WNK3: variants seen among roughly 807,000 people sequenced by gnomAD.
WNK3 encodes serine/threonine-protein kinase WNK3.
WNK3 carries 18 observed loss-of-function variants against 116.7 expected under a neutral mutation model. The ratio of observed to expected loss-of-function variants is 0.15; its 90% CI spans 0.11 to 0.23. The LOEUF is 0.23. WNK3 is among the 10% of genes least tolerant of loss of function. The probability of loss-of-function intolerance (pLI) is 1.00; values close to 1 mark genes in which losing one functional copy is unlikely to be tolerated. For missense variants in WNK3, 993 were observed against 1,323.8 expected, an observed-to-expected ratio of 0.75 and a Z score of 3.88; for synonymous variants, 404 against 469.4, an observed-to-expected ratio of 0.86 and a Z score of 1.80.
intron 10 of WNK3, among the ~76,000 whole-genome samples, chrX:54,272,384 G>T (rs2068393182): frequency 9.1e-6 from 1 of 109,879 alleles, no homozygotes; most frequent in African/African-American, 3.3e-5. Flanking sequence ...GGAGTTCGAG[G>T]CTGCAATAAG....
At chrX:54,266,890 C>T (rs1249153184) in intron 10 of WNK3, among the ~76,000 whole-genome samples, 6 of 110,259 alleles carry the variant, frequency 5.4e-5, no homozygotes, top group Non-Finnish European at 9.5e-5. Flanking sequence ...TCTCCCTCCC[C>T]TTTCCCCACA....
At chrX:54,231,534 C>A (rs2146844178) in intron 21 of WNK3, among the ~76,000 whole-genome samples, 1 of 111,757 alleles carries the variant, frequency 8.9e-6, no homozygotes, top group African/African-American at 3.3e-5. Flanking sequence ...TGGCACTCTT[C>A]CTCCATCTTC....
chrX:54,266,647 C>T (rs2068314141), intron 10 of WNK3, among the ~76,000 whole-genome samples: 1 of 110,700 alleles, frequency 9.0e-6, no homozygotes, highest in African/African-American at 3.3e-5. Context: ...AAGCAATACT[C>T]CCACTTCAGC....
chrX:54,252,979 C>G (rs2068151624), intron 13 of WNK3, among the ~76,000 whole-genome samples: 1 of 109,427 alleles, frequency 9.1e-6, no homozygotes, highest in East Asian at 2.9e-4. Flanking sequence ...GGAAGAAATA[C>G]TAACTTAAAC....
Position 54,333,803 on chromosome X carries a change from G to A in WNK3, c.-119-11C>T. 5 of 450,719 alleles carry A rather than the reference G, an allele frequency of 1.1e-5. No homozygotes were observed. Among genetic ancestry groups the A allele is most frequent in the Non-Finnish European group, 1.5e-5 (4 of 273,240 alleles). 37.1% of individuals were successfully genotyped at this position (450,719 alleles called of 1,213,427 possible). ...TATTTCCATAGCAACCTGAAGGGGG[G>A]GAAAAAGATATTTTAAAATCACCCT... On this transcript the variant is annotated splice_polypyrimidine_tract_variant and intron_variant, in intron 1 of 23. Transcript: ENST00000354646.
chrX:54,266,562 A>C (rs2068313005), intron 10 of WNK3, among the ~76,000 whole-genome samples: 1 of 110,400 alleles, frequency 9.1e-6, no homozygotes, highest in Non-Finnish European at 1.9e-5. Flanking sequence ...TTTTGAGACA[A>C]GGTCTTGCTC....
At chrX:54,239,755 C>T (rs2068003073) in intron 17 of WNK3, among the ~76,000 whole-genome samples, 1 of 111,167 alleles carries the variant, frequency 9.0e-6, no homozygotes, top group African/African-American at 3.3e-5. Context: ...TCTTCTTGTC[C>T]TTCTACTCCC....
chrX:54,260,328 G>T (rs3021276), intron 10 of WNK3, among the ~76,000 whole-genome samples: 2,960 of 111,680 alleles, frequency 0.027, 106 homozygotes, highest in African/African-American at 0.093. Context: ...GGCAAATAGT[G>T]TTTTTGTACA....
chrX:54,269,361 A>G (rs1285933397), intron 10 of WNK3, among the ~76,000 whole-genome samples: 1 of 111,951 alleles, frequency 8.9e-6, no homozygotes, highest in African/African-American at 3.2e-5. Flanking sequence ...AATGCAAGTT[A>G]AAAACCACAA....
intron 22 of WNK3, among the ~76,000 whole-genome samples, chrX:54,222,915 A>ATAT (rs1557146885): frequency 3.3e-4 from 27 of 81,008 alleles, no homozygotes; most frequent in Middle Eastern, 6.0e-3. Context: ...TAATAATAAT[A>ATAT]ATATATATAT....
intron 1 of WNK3, among the ~76,000 whole-genome samples, chrX:54,345,403 G>A (rs1557177398): frequency 1.8e-5 from 2 of 110,431 alleles, no homozygotes; most frequent in Non-Finnish European, 3.8e-5. Flanking sequence ...TATTTATCTA[G>A]AGTTATTAAA....
intron 2 of WNK3, among the ~76,000 whole-genome samples, chrX:54,329,425 G>T (rs1216696782): frequency 2.7e-5 from 3 of 111,575 alleles, no homozygotes; most frequent in Non-Finnish European, 5.7e-5. Context: ...GATCACCTGA[G>T]GTCCGGAGTT....
At chrX:54,275,577 G>T (rs2068437772) in intron 10 of WNK3, among the ~76,000 whole-genome samples, 1 of 107,078 alleles carries the variant, frequency 9.3e-6, no homozygotes, top group South Asian at 4.2e-4. Context: ...AAACCAAGAA[G>T]GAATCCTAAA....
chrX:54,262,587 A>G (rs1444946536), intron 10 of WNK3, among the ~76,000 whole-genome samples: 3 of 110,836 alleles, frequency 2.7e-5, no homozygotes, highest in Non-Finnish European at 5.7e-5. Context: ...TGTAGCAGGC[A>G]CTGTGCTAAG....
chrX:54,300,106 C>T (rs1557167191), intron 6 of WNK3, among the ~76,000 whole-genome samples: 1 of 110,699 alleles, frequency 9.0e-6, no homozygotes, highest in East Asian at 2.9e-4. Flanking sequence ...GTGATCTGCC[C>T]GCCTCAGCCT....
chrX:54,314,683 C>A (rs1268714552), intron 2 of WNK3, among the ~76,000 whole-genome samples: 1 of 110,581 alleles, frequency 9.0e-6, no homozygotes, highest in African/African-American at 3.3e-5. Flanking sequence ...GCTGGAGGAT[C>A]GCTTGAACCC....
In WNK3 at chrX:54,251,611, T is replaced by C. The variant is rs201281405; in HGVS notation, c.2444A>G (p.Gln815Arg). The change falls in exon 14 of 24, where the codon CAG (glutamine) becomes CGG (arginine). Residue 815 changes from glutamine to arginine, a missense_variant. Coordinates refer to ENST00000354646, the Ensembl canonical transcript of WNK3. ...GGCAAAGTGGACATGAAGGATCTCC[T>C]GGGCTTGACCTACAATAGCTCTCAA... The C allele has an allele frequency of 1.2e-4, 147 of 1,209,485 alleles. No individual in the cohort carries two copies. The highest frequency in any genetic ancestry group is 1.6e-4 in the Non-Finnish European group (144 of 894,816).
intron 22 of WNK3, among the ~76,000 whole-genome samples, chrX:54,225,769 G>GT (rs1446684141): frequency 1.8e-5 from 2 of 109,915 alleles, no homozygotes; most frequent in African/African-American, 6.6e-5. Flanking sequence ...AATTCCAACT[G>GT]TTTTTTTCAG....
chrX:54,287,253 T>C (rs1350267790), intron 10 of WNK3, among the ~76,000 whole-genome samples: 1 of 112,186 alleles, frequency 8.9e-6, no homozygotes, highest in Non-Finnish European at 1.9e-5. Flanking sequence ...ATTATAAATG[T>C]AGAACAATAA....
Sources: allele counts gnomAD v4.1 joint callset (sites outside exome capture counted in the v4.1 genomes callset), GRCh38; gene constraint gnomAD v4.1.1; transcripts MANE v1.5; gene names NCBI Gene and HGNC (gene_info 2026-07-23, HGNC 2026-07-21).